The following BBX variants were observed in gnomAD, a reference collection of about 807,000 sequenced individuals.
BBX encodes the protein HMG box transcription factor BBX.
In BBX, 30 loss-of-function variants were observed where a neutral mutation model predicts 100.2. The ratio of observed to expected loss-of-function variants is 0.30; its 90% CI spans 0.22 to 0.41. BBX has a LOEUF of 0.41. Among genes scored for constraint, BBX ranks in the 10% least tolerant of loss-of-function variants. BBX has a pLI of 1.00. For synonymous variants in BBX, 376 were observed against 388.1 expected (o/e 0.97, Z 0.37); for missense variants, 1,023 against 1,129.8 (o/e 0.91, Z 1.35).
chr3:107,604,249 C>T (rs1364072615), intron 2 of BBX, among the ~76,000 whole-genome samples: 2 of 152,084 alleles, frequency 1.3e-5, no homozygotes, highest in Non-Finnish European at 1.5e-5. Context: ...CAGCCTGTTC[C>T]GTTTTGGGTA....
At chr3:107,592,794 C>T (rs2053423798) in intron 2 of BBX, among the ~76,000 whole-genome samples, 1 of 152,074 alleles carries the variant, frequency 6.6e-6, no homozygotes, top group African/African-American at 2.4e-5. Flanking sequence ...GATCCTGAGC[C>T]TCCCACCTCC....
chr3:107,580,217 G>A (rs2052169230), intron 2 of BBX, among the ~76,000 whole-genome samples: 1 of 151,954 alleles, frequency 6.6e-6, no homozygotes, highest in African/African-American at 2.4e-5. Flanking sequence ...ATACAAAATA[G>A]GCTCTTTATC....
At chr3:107,702,045 G>A (rs943509705) in intron 3 of BBX, among the ~76,000 whole-genome samples, 2 of 152,190 alleles carry the variant, frequency 1.3e-5, no homozygotes, top group Non-Finnish European at 2.9e-5. Context: ...AAGGATAAAA[G>A]TAAAGAACAA....
chr3:107,662,740 C>T (rs1182210087), intron 3 of BBX: 1 of 143,012 alleles, frequency 7.0e-6, no homozygotes, highest in African/African-American at 2.6e-5. Flanking sequence ...GTTTGGATAT[C>T]AGAGTTGGAT....
At chr3:107,797,584 A>G (rs898053242) in intron 15 of BBX, among the ~76,000 whole-genome samples, 2 of 151,956 alleles carry the variant, frequency 1.3e-5, no homozygotes, top group African/African-American at 2.4e-5. Context: ...TAAAGTCCCA[A>G]TCATAAAACT....
At chr3:107,666,959 G>A (rs2058785233) in intron 3 of BBX, among the ~76,000 whole-genome samples, 4 of 152,144 alleles carry the variant, frequency 2.6e-5, no homozygotes, top group Non-Finnish European at 5.9e-5. Flanking sequence ...GATTCACTGG[G>A]CTATACAGCC....
chr3:107,591,644 C>T (rs979192458), intron 2 of BBX, among the ~76,000 whole-genome samples: 1 of 152,164 alleles, frequency 6.6e-6, no homozygotes, highest in African/African-American at 2.4e-5. Flanking sequence ...TGCGCCAGTA[C>T]GCCTGGCTAA....
intron 2 of BBX, among the ~76,000 whole-genome samples, chr3:107,602,768 T>TA (rs2107625340): frequency 6.6e-6 from 1 of 152,322 alleles, no homozygotes; most frequent in African/African-American, 2.4e-5. Flanking sequence ...AATGGATACT[T>TA]GAACCGATGA....
intron 3 of BBX, among the ~76,000 whole-genome samples, chr3:107,681,164 A>C (rs1204027227): frequency 2.0e-5 from 3 of 152,176 alleles, no homozygotes; most frequent in African/African-American, 7.2e-5. Context: ...TAGACACAGA[A>C]ATATTAATGG....
chr3:107,655,358 C>A (rs2058069258), intron 3 of BBX, among the ~76,000 whole-genome samples: 1 of 151,912 alleles, frequency 6.6e-6, no homozygotes, highest in Admixed American at 6.6e-5. Flanking sequence ...AGATTATCAG[C>A]CCAAACTATG....
At chr3:107,610,561 C>G (rs1042699420) in intron 2 of BBX, among the ~76,000 whole-genome samples, 10 of 151,848 alleles carry the variant, frequency 6.6e-5, no homozygotes, top group Admixed American at 5.9e-4. Flanking sequence ...TTATTAGATT[C>G]TCCTGTTGAA....
chr3:107,746,758 T>C (rs2064640729), intron 8 of BBX, among the ~76,000 whole-genome samples: 2 of 152,174 alleles, frequency 1.3e-5, no homozygotes, highest in South Asian at 4.1e-4. Context: ...GCCAGCCTCC[T>C]GATTCTTTCC....
At chr3:107,607,046 T>G (rs1036285460) in intron 2 of BBX, among the ~76,000 whole-genome samples, 1 of 152,196 alleles carries the variant, frequency 6.6e-6, no homozygotes, top group African/African-American at 2.4e-5. Flanking sequence ...TCTGCCTGGC[T>G]TATTAACTTA....
intron 2 of BBX, among the ~76,000 whole-genome samples, chr3:107,576,562 G>A (rs1376333299): frequency 6.6e-6 from 1 of 152,114 alleles, no homozygotes; most frequent in African/African-American, 2.4e-5. Flanking sequence ...TTACATGTGT[G>A]TGAAAGCCAA....
chr3:107,769,605 G>GAA (rs1414177116), intron 10 of BBX, among the ~76,000 whole-genome samples: 1 of 152,116 alleles, frequency 6.6e-6, no homozygotes, highest in African/African-American at 2.4e-5. Context: ...AGGGAGATGG[G>GAA]AAGAGACTTA....
chr3:107,805,998 C>T lies in BBX; in HGVS notation c.*541C>T, dbSNP rs2071042917. The T allele has an allele frequency of 6.6e-6, 1 of 151,958 alleles. No homozygotes were observed. Among genetic ancestry groups the T allele is most frequent in the Admixed American group, 6.5e-5 (1 of 15,284 alleles). The allele number at this position is 151,958 out of a possible 1,614,324, so 9.4% of individuals were successfully genotyped here. On this transcript the variant is annotated 3_prime_UTR_variant, in exon 18 of 18. Transcript: ENST00000325805. ...AGAATAAATATTAAAAAGCCTGTTC[C>T]AGAGACTCCCAAGCAGCCTGGGCAG...
intron 3 of BBX, among the ~76,000 whole-genome samples, chr3:107,690,754 G>C (rs2060107820): frequency 6.6e-6 from 1 of 152,038 alleles, no homozygotes; most frequent in African/African-American, 2.4e-5. Flanking sequence ...AGATACTCTA[G>C]GGTACTTCAG....
intron 2 of BBX, among the ~76,000 whole-genome samples, chr3:107,586,499 A>G (rs904627337): frequency 7.2e-5 from 11 of 152,192 alleles, no homozygotes; most frequent in African/African-American, 2.7e-4. Context: ...AAAAGAAATA[A>G]TGTCTTCTTG....
At chr3:107,635,756 A>G (rs1221637252) in intron 2 of BBX, among the ~76,000 whole-genome samples, 1 of 145,528 alleles carries the variant, frequency 6.9e-6, no homozygotes, top group Non-Finnish European at 1.5e-5. Flanking sequence ...CCTGTTGCCC[A>G]GGCTGGGGTG....
Sources: allele counts gnomAD v4.1 joint callset (sites outside exome capture counted in the v4.1 genomes callset), GRCh38; gene constraint gnomAD v4.1.1; transcripts MANE v1.5; gene names NCBI Gene and HGNC (gene_info 2026-07-23, HGNC 2026-07-21).